DGCR2: variants seen among roughly 807,000 people sequenced by gnomAD.
DGCR2 encodes the protein integral membrane protein DGCR2/IDD.
In DGCR2, 24 loss-of-function variants were observed where a neutral mutation model predicts 51.6. The observed-to-expected ratio is 0.47, with a 90% CI of 0.34 to 0.65. DGCR2 has a LOEUF of 0.65. Ranked by LOEUF, DGCR2 falls within the 30% of genes least tolerant of loss-of-function variation. The pLI is 0.01. For missense variants in DGCR2, 765 were observed against 772.1 expected (o/e 0.99, Z 0.11); for synonymous variants, 340 against 315.4 (o/e 1.08, Z -0.82).
At chr22:19,080,461 G>A (rs575423158) in intron 2 of DGCR2, among the ~76,000 whole-genome samples, 2 of 152,170 alleles carry the variant, frequency 1.3e-5, no homozygotes, top group Non-Finnish European at 2.9e-5. Flanking sequence ...CCTATTTGGT[G>A]TGTATTTTAC....
chr22:19,090,100 G>A (rs112529676), intron 1 of DGCR2, among the ~76,000 whole-genome samples: 4,244 of 152,236 alleles, frequency 0.028, 102 homozygotes, highest in South Asian at 0.066. Flanking sequence ...ACATTAACAG[G>A]TTAGATTTTG....
At chr22:19,069,050 C>T (rs779181828) in intron 2 of DGCR2, among the ~76,000 whole-genome samples, 13 of 152,230 alleles carry the variant, frequency 8.5e-5, no homozygotes, top group Admixed American at 3.9e-4. Context: ...GGAGAGGGCC[C>T]TCATGGGCCC....
intron 1 of DGCR2, among the ~76,000 whole-genome samples, chr22:19,098,500 G>A (rs569448382): frequency 2.6e-5 from 4 of 151,618 alleles, no homozygotes; most frequent in South Asian, 2.1e-4. Context: ...AAGCTTTAGC[G>A]AAAAACAAAA....
intron 3 of DGCR2, chr22:19,065,278 G>C: frequency 3.5e-6 from 2 of 574,642 alleles, no homozygotes; most frequent in Non-Finnish European, 6.2e-6. Context: ...AAGTACATTC[G>C]GTGACTCTTC....
chr22:19,109,769 G>A (rs2083295234), intron 1 of DGCR2, among the ~76,000 whole-genome samples: 1 of 152,148 alleles, frequency 6.6e-6, no homozygotes, highest in Admixed American at 6.5e-5. Context: ...TGGTTATGAT[G>A]GCATATTTTA....
At chr22:19,103,121 C>T (rs1472663883) in intron 1 of DGCR2, among the ~76,000 whole-genome samples, 1 of 151,988 alleles carries the variant, frequency 6.6e-6, no homozygotes, top group East Asian at 1.9e-4. Flanking sequence ...AAACATAATG[C>T]TAAGTGAAAG....
At chr22:19,069,227 A>T (rs1246931678) in intron 2 of DGCR2, among the ~76,000 whole-genome samples, 1 of 152,210 alleles carries the variant, frequency 6.6e-6, no homozygotes, top group Non-Finnish European at 1.5e-5. Flanking sequence ...TCGGCTCCCC[A>T]AGGGAGGTCA....
chr22:19,087,467 G>A (rs1325126602), intron 2 of DGCR2, among the ~76,000 whole-genome samples: 3 of 152,176 alleles, frequency 2.0e-5, no homozygotes, highest in South Asian at 4.1e-4. Context: ...TCAGCTCACT[G>A]CAACCTCTAC....
At chr22:19,064,133 G>C (rs943780410) in intron 4 of DGCR2, among the ~76,000 whole-genome samples, 1 of 152,202 alleles carries the variant, frequency 6.6e-6, no homozygotes. Flanking sequence ...CCCAAGCCTA[G>C]AGATGCCCAT....
At chr22:19,042,728 G>C (rs2082446928) in intron 7 of DGCR2, among the ~76,000 whole-genome samples, 1 of 152,196 alleles carries the variant, frequency 6.6e-6, no homozygotes, top group African/African-American at 2.4e-5. Context: ...GACAGTATAA[G>C]GTACACTTGG....
At chr22:19,087,874 G>C (rs982463629) in intron 2 of DGCR2, among the ~76,000 whole-genome samples, 1 of 151,982 alleles carries the variant, frequency 6.6e-6, no homozygotes, top group African/African-American at 2.4e-5. Context: ...TATTAGAAAC[G>C]GGGTTTCACT....
At position 19,036,648 on chromosome 22, in the gene DGCR2, C is replaced by A. The variant is rs2082372262; in HGVS notation, c.*2217G>T. ...CCAGCTCTCCTCATGCTCCCAAGGG[C>A]CTCCTGGAGCCACAGTGGCAGCGGT... On this transcript the variant is annotated 3_prime_UTR_variant, in exon 10 of 10. Transcript: ENST00000263196. 1 of 152,224 alleles carries A rather than the reference C, an allele frequency of 6.6e-6. No individual in the cohort carries two copies. The highest frequency in any genetic ancestry group is 1.5e-5 in the Non-Finnish European group (1 of 68,060). The allele number at this position is 152,224 out of a possible 1,614,324, so 9.4% of individuals were successfully genotyped here.
chr22:19,104,779 G>T (rs2083244168), intron 1 of DGCR2, among the ~76,000 whole-genome samples: 1 of 152,228 alleles, frequency 6.6e-6, no homozygotes, highest in African/African-American at 2.4e-5. Flanking sequence ...ATTCTGTCTT[G>T]GAAAGAGCTG....
Position 19,067,077 on chromosome 22 carries a change from C to A in DGCR2, c.328+1023G>T, listed in dbSNP as rs1365244401. On this transcript the variant is annotated intron_variant, in intron 3 of 9. Coordinates refer to ENST00000263196, the MANE Select transcript of DGCR2 (RefSeq NM_005137.3). ...GACCACCTGGAAACACCTGGCCCCA[C>A]TCTGGCCACCCAGGGTTGGTGGGGG... Among the ~76,000 whole-genome samples the A allele has an allele frequency of 2.6e-5, 4 of 152,338 alleles. No homozygotes were observed. The East Asian group carries it at 7.7e-4, about 29-fold the overall frequency.
At chr22:19,114,307 T>C (rs1173172820) in intron 1 of DGCR2, among the ~76,000 whole-genome samples, 1 of 152,258 alleles carries the variant, frequency 6.6e-6, no homozygotes. Flanking sequence ...AACTTTATTT[T>C]TTCTAGATTG....
chr22:19,109,521 A>G (rs925399254), intron 1 of DGCR2, among the ~76,000 whole-genome samples: 14 of 152,254 alleles, frequency 9.2e-5, no homozygotes, highest in Non-Finnish European at 1.3e-4. Flanking sequence ...AGCCAAACAT[A>G]AAAAGACAAA....
intron 5 of DGCR2, among the ~76,000 whole-genome samples, chr22:19,062,617 C>G (rs1268524550): frequency 1.3e-5 from 2 of 152,108 alleles, no homozygotes. Flanking sequence ...GGAGTATGTC[C>G]AGGAGGAGCT....
At chr22:19,064,806 G>C (rs372760960) in intron 4 of DGCR2, 42 bp downstream of exon 4, 5 of 1,573,006 alleles carry the variant, frequency 3.2e-6, no homozygotes, top group African/African-American at 1.3e-5. Context: ...GTAGTCATCA[G>C]ACTCTGACTC....
At chr22:19,064,063 C>T (rs758285075) in intron 4 of DGCR2, among the ~76,000 whole-genome samples, 2 of 152,228 alleles carry the variant, frequency 1.3e-5, no homozygotes, top group Non-Finnish European at 2.9e-5. Flanking sequence ...CTTGCACTGG[C>T]ATCTGGCTGA....
Sources: gnomAD v4.1 joint callset for allele counts (sites outside exome capture counted in the v4.1 genomes callset) on GRCh38, gnomAD v4.1.1 for gene constraint, MANE v1.5 for transcripts, NCBI Gene and HGNC (gene_info 2026-07-23, HGNC 2026-07-21) for gene names.